The following ULK1 variants were observed in gnomAD, a reference collection of about 807,000 sequenced individuals.
The protein encoded by ULK1 is unc-51 like autophagy activating kinase 1.
ULK1 carries 48 observed loss-of-function variants against 117.5 expected under a neutral mutation model. The ratio of observed to expected loss-of-function variants is 0.41; its 90% CI spans 0.32 to 0.52. The LOEUF is 0.52. Ranked by LOEUF, ULK1 falls within the 20% of genes least tolerant of loss-of-function variation. The pLI, the probability that ULK1 is intolerant of heterozygous loss-of-function variation, is 0.29. For missense variants in ULK1, 1,387 were observed against 1,473.4 expected (o/e 0.94, Z 0.96); for synonymous variants, 790 against 637.8 (o/e 1.24, Z -3.60).
intron 8 of ULK1, among the ~76,000 whole-genome samples, 200 bp downstream of exon 8, chr12:131,909,437 G>A (rs1239112829): frequency 6.6e-6 from 1 of 152,318 alleles, no homozygotes; most frequent in Non-Finnish European, 1.5e-5. Flanking sequence ...GCGGTGACTG[G>A]GAGCTGCCCC....
chr12:131,916,087 G>A lies in ULK1; in HGVS notation c.1806G>A (p.Leu602=). The A allele has an allele frequency of 6.2e-7, 1 of 1,612,448 alleles. No individual in the cohort carries two copies. The highest frequency in any genetic ancestry group is 1.3e-5 in the African/African-American group (1 of 74,976). The part of the protein sequence containing the change: ...PSHGLQSCRN[L]RGSPKLPDFL... ...ACGGCCTGCAGTCCTGCCGGAACCT[G>A]CGGGGCTCACCCAAGCTGCCCGACT... The change falls in exon 19 of 28, where the codon CTG becomes CTA. Residue 602 remains leucine, a synonymous_variant. Transcript: ENST00000321867.
intron 13 of ULK1, among the ~76,000 whole-genome samples, 196 bp from the exon 14 acceptor site, chr12:131,913,002 G>C (rs1889607866): frequency 6.6e-6 from 1 of 152,184 alleles, no homozygotes; most frequent in South Asian, 2.1e-4. Flanking sequence ...TGGTCTCCCG[G>C]AGCTGGCCTG....
rs999303590 is a variant in ULK1 at position 131,903,549 on chromosome 12, G to A, written c.247-3343G>A. 6.6e-6 allele frequency among the ~76,000 whole-genome samples: 1 copy of A among 152,202 alleles called. No individual in the cohort carries two copies. Among genetic ancestry groups the A allele is most frequent in the African/African-American group, 2.4e-5 (1 of 41,452 alleles). On this transcript the variant is annotated intron_variant, in intron 3 of 27. Coordinates refer to ENST00000321867, the MANE Select transcript of ULK1 (RefSeq NM_003565.4). The surrounding 1 kb of genome is among the most constrained non-coding windows in gnomAD (Gnocchi z 6.0). ...AGGCCCTGGTGTGCCCCGATGCCCA[G>A]CTCAGGGAGTTGGATGCCCACAGCC...
chr12:131,916,279 C>T (rs1266282334), intron 19 of ULK1, 119 bp from the exon 20 acceptor site: 10 of 1,505,904 alleles, frequency 6.6e-6, no homozygotes, highest in Non-Finnish European at 8.9e-6. Context: ...CGCCTGGGCT[C>T]ATGCTCAGGC....
chr12:131,901,522 C>T (rs1281643702), intron 3 of ULK1, among the ~76,000 whole-genome samples: 2 of 152,214 alleles, frequency 1.3e-5, no homozygotes, highest in Admixed American at 6.5e-5. Context: ...CGTCCGTCCT[C>T]CTGTGTGCCC....
In ULK1 at chr12:131,906,566, A is replaced by G. The variant is rs146013389; in HGVS notation, c.247-326A>G. On this transcript the variant is annotated intron_variant, in intron 3 of 27. Coordinates refer to ENST00000321867, the MANE Select transcript of ULK1 (RefSeq NM_003565.4). ...TGGGCTGAGGAGCTGAGAAGCTTCT[A>G]TGGCCTGAGGGTCACACACACCTGC... is the stretch of plus-strand genomic sequence containing the variant. 295 of 359,036 alleles carry G rather than the reference A, an allele frequency of 8.2e-4. 4 individuals carry two copies. The highest frequency in any genetic ancestry group is 4.6e-3 in the African/African-American group (216 of 46,934). 22.2% of individuals were successfully genotyped at this position (359,036 alleles called of 1,614,324 possible).
chr12:131,920,913 GC>G, intron 26 of ULK1, 186 bp from the exon 27 acceptor site: 2 of 792,334 alleles, frequency 2.5e-6, no homozygotes, highest in Admixed American at 3.0e-5. Flanking sequence ...CTGGTTCCAG[GC>G]AGTGTCTCCC....
chr12:131,918,130 G>A (rs1158205973), intron 22 of ULK1, among the ~76,000 whole-genome samples: 2 of 152,144 alleles, frequency 1.3e-5, no homozygotes. Flanking sequence ...TTTGGGCCTT[G>A]GGCCCAGCTG....
At chr12:131,920,256 AG>A in intron 26 of ULK1, 120 bp downstream of exon 26, 1 of 1,330,554 alleles carries the variant, frequency 7.5e-7, no homozygotes, top group Non-Finnish European at 1.0e-6. Flanking sequence ...TCACTTCTGG[AG>A]GTCTTGAAAT....
chr12:131,915,272 G>A (rs1889723614), intron 17 of ULK1, 41 bp downstream of exon 17: 1 of 1,608,782 alleles, frequency 6.2e-7, no homozygotes, highest in Non-Finnish European at 8.5e-7. Context: ...GCGTCTGTAG[G>A]CAGTGGGTGA....
intron 5 of ULK1, 172 bp from the exon 6 acceptor site, chr12:131,908,472 C>T: frequency 1.4e-6 from 1 of 722,620 alleles, no homozygotes; most frequent in South Asian, 2.4e-5. Flanking sequence ...CAGGTGCGCC[C>T]TGGTCTCGGC....
Position 131,908,678 on chromosome 12 carries a change from C to A in ULK1, c.351C>A (p.Leu117=). ...MRTLSEDTIR[L]FLQQIAGAMR... ...CGCTGAGCGAGGACACCATCAGGCTCTTCCTGCAGCAGATCGCGGGCGCCA... is the reference window on the plus strand; with the variant it reads ...CGCTGAGCGAGGACACCATCAGGCTATTCCTGCAGCAGATCGCGGGCGCCA... The change falls in exon 6 of 28, where the codon CTC becomes CTA. Residue 117 remains leucine (L), a synonymous_variant. Coordinates refer to ENST00000321867, the MANE Select transcript of ULK1 (RefSeq NM_003565.4). 6.3e-7 allele frequency: 1 copy of A among 1,581,282 alleles called. No individual in the cohort carries two copies. Among genetic ancestry groups the A allele is most frequent in the African/African-American group, 1.4e-5 (1 of 74,004 alleles).
Position 131,917,457 on chromosome 12 carries a change from T to A in ULK1, c.2229T>A (p.Ala743=). Residue 743 remains alanine (A), a synonymous_variant, in exon 22 of 28, where the codon GCT becomes GCA. Coordinates refer to ENST00000321867, the MANE Select transcript of ULK1 (RefSeq NM_003565.4). ...GGAGCCTGCACCCAGGAGCCCGTGC[T>A]GGGGGCACCAGCAGCCCTTCCCCGG... The part of the protein sequence containing the change: ...FGGSLHPGAR[A]GGTSSPSPVV... The A allele has an allele frequency of 6.5e-7, 1 of 1,532,596 alleles. No homozygotes were observed. Among genetic ancestry groups the A allele is most frequent in the Non-Finnish European group, 8.8e-7 (1 of 1,140,454 alleles). 94.9% of individuals were successfully genotyped at this position (1,532,596 alleles called of 1,614,324 possible). A position where few individuals can be genotyped will look rare whatever the true frequency, so the allele number is the denominator to read the frequency against.
intron 23 of ULK1, among the ~76,000 whole-genome samples, 183 bp downstream of exon 23, chr12:131,918,864 GT>G (rs1890003936): frequency 1.9e-5 from 1 of 51,412 alleles, no homozygotes; most frequent in African/African-American, 4.4e-5. Context: ...GGGGTGTCGG[GT>G]GTGTGGGGTG....
chr12:131,905,179 G>A (rs1347629190), intron 3 of ULK1, among the ~76,000 whole-genome samples: 4 of 152,238 alleles, frequency 2.6e-5, no homozygotes, highest in South Asian at 4.1e-4. Context: ...GAGCACCATC[G>A]GCCTTAGCCT....
intron 26 of ULK1, chr12:131,920,732 G>A (rs1405189193): frequency 3.9e-6 from 1 of 254,816 alleles, no homozygotes; most frequent in East Asian, 8.1e-5. Context: ...CCTTTTTTAA[G>A]AAAATTTAAG....
Position 131,921,209 on chromosome 12 carries a change from A to G in ULK1, c.3071A>G (p.Gln1024Arg). ...LEGLQHMLSD[Q>R]ADIENVTKCK... The stretch of plus-strand genomic sequence containing the variant: ...GGGCTGCAGCACATGCTCTCGGACC[A>G]GGCCGACATCGAGAACGTCACCAAG... The change falls in exon 27 of 28, where the codon CAG becomes CGG. Residue 1024 changes from glutamine (Q) to arginine (R), a missense_variant. Physicochemically the swap from Gln to Arg is conservative, Grantham distance 43. This residue lies in a region of ULK1 where 900 missense variants were observed against 858.9 expected (regional missense o/e 1.05). Transcript: ENST00000321867. 2 of 1,606,870 alleles carry G rather than the reference A, an allele frequency of 1.2e-6. No individual in the cohort carries two copies. The highest frequency in any genetic ancestry group is 1.7e-6 in the Non-Finnish European group (2 of 1,179,794).
At chr12:131,905,460 C>T (rs559694408) in intron 3 of ULK1, among the ~76,000 whole-genome samples, 378 of 152,214 alleles carry the variant, frequency 2.5e-3, no homozygotes, top group Non-Finnish European at 3.8e-3. Flanking sequence ...ACACGGCTCC[C>T]CTTTGCTTTG....
At chr12:131,907,602 C>T (rs149474729) in intron 5 of ULK1, 71 bp downstream of exon 5, 18,765 of 1,551,860 alleles carry the variant, frequency 0.012, 171 homozygotes, top group South Asian at 0.029. Flanking sequence ...CCACACTGGC[C>T]CAGTCTGGGA....
Sources: gnomAD v4.1 joint callset for allele counts (sites outside exome capture counted in the v4.1 genomes callset) on GRCh38, gnomAD v4.1.1 for gene constraint, gnomAD v4.1.1 regional missense constraint, Gnocchi (gnomAD v3.1) non-coding constraint, MANE v1.5 for transcripts, NCBI Gene and HGNC (gene_info 2026-07-23, HGNC 2026-07-21) for gene names.